The following HNRNPH1 variants were observed in gnomAD, a reference collection of about 807,000 sequenced individuals.
The protein encoded by HNRNPH1 is heterogeneous nuclear ribonucleoprotein H.
HNRNPH1 carries 4 observed loss-of-function variants against 58.6 expected under a neutral mutation model. The ratio of observed to expected loss-of-function variants is 0.07; its 90% CI spans 0.03 to 0.16. The LOEUF (loss-of-function observed/expected upper bound fraction) is 0.16. Ranked by LOEUF, HNRNPH1 falls within the 10% of genes least tolerant of loss-of-function variation. The pLI is 1.00. For missense variants in HNRNPH1, 271 were observed against 564.2 expected (o/e 0.48, Z 5.26); for synonymous variants, 192 against 189.2 (o/e 1.01, Z -0.12).
intron 12 of HNRNPH1, chr5:179,615,339 G>C (rs1769004724): frequency 2.1e-6 from 1 of 484,306 alleles, no homozygotes; most frequent in Non-Finnish European, 3.7e-6. Flanking sequence ...TGGCATTTGA[G>C]AAAAGGGAGC....
intron 2 of HNRNPH1, among the ~76,000 whole-genome samples, chr5:179,633,137 G>A (rs1168197432): frequency 6.6e-6 from 1 of 151,354 alleles, no homozygotes; most frequent in African/African-American, 2.4e-5. Flanking sequence ...GATTACAGGC[G>A]TGAGCCACCA....
chr5:179,623,203 A>T, exon 1 of HNRNPH1: 1 of 1,162,854 alleles, frequency 8.6e-7, no homozygotes, highest in Non-Finnish European at 1.3e-6. Context: ...AGCGCCAATT[A>T]AGCTGTCCTT....
chr5:179,618,405 A>C, intron 4 of HNRNPH1, 82 bp from the exon 6 acceptor site: 1 of 951,224 alleles, frequency 1.1e-6, no homozygotes. Flanking sequence ...GTTATACAAG[A>C]AAACAATCTA....
chr5:179,629,104 T>G (rs577711935), upstream of HNRNPH1: 1 of 146,770 alleles, frequency 6.8e-6, no homozygotes, highest in Non-Finnish European at 1.5e-5. Flanking sequence ...GAGACCATCC[T>G]GGATAACACA....
At chr5:179,616,847 TA>T in intron 10 of HNRNPH1, 21 bp downstream of exon 11, 1 of 1,603,954 alleles carries the variant, frequency 6.2e-7, no homozygotes, top group South Asian at 1.1e-5. Context: ...TTTTGGTTTT[TA>T]AAAAAACTAA....
intron 1 of HNRNPH1, 115 bp from the exon 3 acceptor site, chr5:179,621,512 A>T: frequency 1.2e-6 from 1 of 821,550 alleles, no homozygotes; most frequent in South Asian, 1.7e-5. Flanking sequence ...TGTGAAGCCT[A>T]TATATACTGA....
intron 12 of HNRNPH1, chr5:179,615,243 A>C (rs1768950211): frequency 2.3e-6 from 1 of 429,854 alleles, no homozygotes; most frequent in South Asian, 4.9e-5. Context: ...TTTTTCAAAA[A>C]TTGCAAAATT....
exon 1 of HNRNPH1, chr5:179,623,250 C>A (rs919851117): frequency 9.3e-6 from 6 of 641,854 alleles, no homozygotes; most frequent in Non-Finnish European, 1.6e-5. Flanking sequence ...ACCGCCCCCC[C>A]ACGGAGCAAA....
At chr5:179,624,643 A>T (rs1774184890) in exon 1 of HNRNPH1, 1 of 398,646 alleles carries the variant, frequency 2.5e-6, no homozygotes, top group South Asian at 1.3e-4. Flanking sequence ...CTGCGAGATG[A>T]CTAATGTTCG....
At chr5:179,627,287 G>C (rs1307273302), upstream of HNRNPH1, among the ~76,000 whole-genome samples, 1 of 151,780 alleles carries the variant, frequency 6.6e-6, no homozygotes, top group Non-Finnish European at 1.5e-5. Flanking sequence ...GAACTCCTGG[G>C]CTCAAGCCAT....
chr5:179,631,426 A>G (rs760554576), intron 2 of HNRNPH1, among the ~76,000 whole-genome samples: 46 of 152,172 alleles, frequency 3.0e-4, no homozygotes, highest in Non-Finnish European at 3.4e-4. Flanking sequence ...AGCCTGGGCA[A>G]CATATTGAGG....
chr5:179,622,472 A>G (rs1354137147), intron 1 of HNRNPH1, among the ~76,000 whole-genome samples: 1 of 152,212 alleles, frequency 6.6e-6, no homozygotes, highest in South Asian at 2.1e-4. Flanking sequence ...GCATTTTGGG[A>G]AACCGAGGTG....
chr5:179,618,401 C>T lies in HNRNPH1; in HGVS notation c.537-78G>A, dbSNP rs187194364. Reference sequence around the variant, plus strand: ...CATTTTATACAGGTATTTAGTTATACAAGAAAACAATCTAGTCATAGCCAT... The same window carrying T: ...CATTTTATACAGGTATTTAGTTATATAAGAAAACAATCTAGTCATAGCCAT... On this transcript the variant is annotated intron_variant, in intron 4 of 12. Transcript: ENST00000356731. 1.3e-4 allele frequency: 124 copies of T among 981,900 alleles called. No individual in the cohort carries two copies. In the East Asian group the frequency reaches 3.0e-3, roughly 24 times the overall value. 60.8% of individuals were successfully genotyped at this position (981,900 alleles called of 1,614,324 possible). A position where few individuals can be genotyped will look rare whatever the true frequency, so the allele number is the denominator to read the frequency against.
upstream of HNRNPH1, among the ~76,000 whole-genome samples, chr5:179,625,635 G>C (rs1774319702): frequency 6.7e-6 from 1 of 148,512 alleles, no homozygotes; most frequent in Non-Finnish European, 1.5e-5. Flanking sequence ...CTCCAGCCTG[G>C]GCAATAAGAG....
intron 10 of HNRNPH1, 118 bp downstream of exon 11, chr5:179,616,751 A>C: frequency 1.2e-6 from 1 of 862,882 alleles, no homozygotes; most frequent in Non-Finnish European, 1.8e-6. Flanking sequence ...AAATATCAAG[A>C]AACTGCTTTG....
At chr5:179,617,338 C>A in intron 8 of HNRNPH1, 176 bp downstream of exon 9, 1 of 774,096 alleles carries the variant, frequency 1.3e-6, no homozygotes, top group African/African-American at 1.8e-5. Flanking sequence ...TATCACAAAT[C>A]CGTTATACTA....
At chr5:179,624,227 AGCTGCGGG>A in exon 1 of HNRNPH1, 1 of 336,912 alleles carries the variant, frequency 3.0e-6, no homozygotes, top group Non-Finnish European at 5.3e-6. Context: ...ACGTCCTGGG[AGCTGCGGG>A]GCTGCGGACG....
At chr5:179,630,031 CA>C (rs1774707381) in intron 2 of HNRNPH1, among the ~76,000 whole-genome samples, 2 of 150,110 alleles carry the variant, frequency 1.3e-5, no homozygotes, top group African/African-American at 4.9e-5. Flanking sequence ...CAAAATAAAA[CA>C]AAAAAACAGA....
intron 2 of HNRNPH1, among the ~76,000 whole-genome samples, chr5:179,633,500 G>A (rs1439308320): frequency 1.5e-5 from 2 of 134,046 alleles, no homozygotes; most frequent in Admixed American, 8.2e-5. Flanking sequence ...TTTTAGTAGA[G>A]ACGGGGTTTC....
Sources: allele counts gnomAD v4.1 joint callset (sites outside exome capture counted in the v4.1 genomes callset), GRCh38; gene constraint gnomAD v4.1.1; transcripts MANE v1.5; gene names NCBI Gene and HGNC (gene_info 2026-07-23, HGNC 2026-07-21).